The following SRP72 variants were observed in gnomAD, a reference collection of about 807,000 sequenced individuals.
SRP72 encodes signal recognition particle 72.
A neutral mutation model predicts 96.3 loss-of-function variants in SRP72; 49 were observed. The observed-to-expected ratio is 0.51, with a 90% CI of 0.40 to 0.65. SRP72 has a LOEUF of 0.65. Among genes scored for constraint, SRP72 ranks in the 30% least tolerant of loss-of-function variants. The pLI, the probability that SRP72 is intolerant of heterozygous loss-of-function variation, is 0.00. For missense variants in SRP72, 736 were observed against 793.3 expected, an observed-to-expected ratio of 0.93 and a Z score of 0.87; for synonymous variants, 267 against 275.2, an observed-to-expected ratio of 0.97 and a Z score of 0.30.
At chr4:56,500,826 ACACTT>A (rs987981497) in intron 18 of SRP72, 131 bp downstream of exon 18, 75 of 863,040 alleles carry the variant, frequency 8.7e-5, no homozygotes, top group Non-Finnish European at 1.1e-4. Flanking sequence ...TGTTTATACT[ACACTT>A]ATGCAAATGA....
chr4:56,474,150 C>CT lies in SRP72; in HGVS notation c.454dup (p.Ser152PhefsTer26). ...TTATGATGAGGAGAGGAAAACAAACCTTTCAGCAGTTGTTGCAGCTCAAAG... is the reference window on the plus strand; with the variant it reads ...TTATGATGAGGAGAGGAAAACAAACCTTTTCAGCAGTTGTTGCAGCTCAAAG... On this transcript the variant is annotated frameshift_variant, in exon 4 of 19. Transcript: ENST00000642900. LOFTEE classifies it high-confidence loss of function. The CT allele has an allele frequency of 1.2e-6, 2 of 1,614,184 alleles. No homozygotes were observed. The highest frequency in any genetic ancestry group is 1.7e-6 in the Non-Finnish European group (2 of 1,180,032).
intron 18 of SRP72, 117 bp downstream of exon 18, chr4:56,500,812 T>C: frequency 9.8e-7 from 1 of 1,019,322 alleles, no homozygotes; most frequent in Non-Finnish European, 1.4e-6. Flanking sequence ...GTATCTTTGA[T>C]AAATGTTTAT....
At chr4:56,474,503 C>A in intron 5 of SRP72, 112 bp downstream of exon 5, 1 of 902,556 alleles carries the variant, frequency 1.1e-6, no homozygotes, top group African/African-American at 1.7e-5. Flanking sequence ...GTTATTGATG[C>A]AGTGACAATT....
intron 2 of SRP72, among the ~76,000 whole-genome samples, chr4:56,470,535 C>G (rs1719932340): frequency 8.1e-6 from 1 of 122,960 alleles, no homozygotes; most frequent in Non-Finnish European, 1.7e-5. Flanking sequence ...GAGACTCCGT[C>G]TCAAAAAAAA....
At chr4:56,471,616 A>G (rs1289457219) in intron 2 of SRP72, 104 bp from the exon 3 acceptor site, 4 of 1,336,750 alleles carry the variant, frequency 3.0e-6, no homozygotes, top group Non-Finnish European at 4.0e-6. Context: ...CAGTTTTCTC[A>G]TCTGTTATCA....
chr4:56,469,784 C>T lies in SRP72; in HGVS notation c.230+11C>T, dbSNP rs1719893013. The T allele has an allele frequency of 1.2e-6, 2 of 1,600,844 alleles. No homozygotes were observed. Among genetic ancestry groups the T allele is most frequent in the Admixed American group, 1.7e-5 (1 of 59,746 alleles). Reference sequence around the variant, plus strand: ...CAAAGTGTTAGCCAAGTAAGTGATTCAGTTAGTTGCTTGTACAGTTATTAG... The same window carrying T: ...CAAAGTGTTAGCCAAGTAAGTGATTTAGTTAGTTGCTTGTACAGTTATTAG... On this transcript the variant is annotated intron_variant, in intron 2 of 18. Transcript: ENST00000642900.
At chr4:56,487,315 C>A (rs1202350093) in intron 11 of SRP72, among the ~76,000 whole-genome samples, 1 of 152,074 alleles carries the variant, frequency 6.6e-6, no homozygotes, top group Non-Finnish European at 1.5e-5. Flanking sequence ...TGCTGATCTC[C>A]CTCTTATCCA....
intron 5 of SRP72, among the ~76,000 whole-genome samples, chr4:56,475,386 C>T (rs1438836404): frequency 2.1e-5 from 3 of 140,772 alleles, no homozygotes; most frequent in Non-Finnish European, 4.6e-5. Flanking sequence ...AGTAAGCCTT[C>T]GTTTTTACAA....
At chr4:56,495,988 C>T (rs558280970) in intron 17 of SRP72, among the ~76,000 whole-genome samples, 4 of 152,168 alleles carry the variant, frequency 2.6e-5, no homozygotes, top group African/African-American at 9.7e-5. Flanking sequence ...CAAAGAAGCC[C>T]TCTCCAGACT....
At position 56,491,622 on chromosome 4, in the gene SRP72, A is replaced by G. The variant is rs1021804606; in HGVS notation, c.1640+54A>G. ...ATGCTGATTTTAAATTAGACAAGGAATAAAAAATACATTCTCATAGAAATT... is the reference window on the plus strand; with the variant it reads ...ATGCTGATTTTAAATTAGACAAGGAGTAAAAAATACATTCTCATAGAAATT... On this transcript the variant is annotated intron_variant, in intron 16 of 18. Coordinates refer to ENST00000642900, the MANE Select transcript of SRP72 (RefSeq NM_006947.4). 60 of 1,522,890 alleles carry G rather than the reference A, an allele frequency of 3.9e-5. 1 individual carries two copies. The highest frequency in any genetic ancestry group is 5.1e-5 in the Non-Finnish European group (57 of 1,109,568). The allele number at this position is 1,522,890 out of a possible 1,614,324, so 94.3% of individuals were successfully genotyped here.
At chr4:56,470,651 A>G (rs1187164678) in intron 2 of SRP72, among the ~76,000 whole-genome samples, 1 of 152,170 alleles carries the variant, frequency 6.6e-6, no homozygotes, top group Non-Finnish European at 1.5e-5. Flanking sequence ...GAGGCGTATA[A>G]ATGTGTTAGA....
chr4:56,468,995 CCTGAGTT>C (rs1560672612), intron 1 of SRP72, among the ~76,000 whole-genome samples: 1 of 152,116 alleles, frequency 6.6e-6, no homozygotes, highest in Non-Finnish European at 1.5e-5. Flanking sequence ...AAACTTGCCA[CCTGAGTT>C]CTTCCTTATA....
intron 9 of SRP72, among the ~76,000 whole-genome samples, chr4:56,483,927 T>C (rs1720599866): frequency 6.6e-6 from 1 of 151,910 alleles, no homozygotes; most frequent in Admixed American, 6.6e-5. Flanking sequence ...CATCAAGTTA[T>C]AAATGTTAAG....
intron 14 of SRP72, 37 bp from the exon 15 acceptor site, chr4:56,490,531 A>G (rs1414074700): frequency 1.2e-6 from 2 of 1,605,952 alleles, no homozygotes; most frequent in South Asian, 1.1e-5. Flanking sequence ...CTCCAGTTTT[A>G]TAAACAGTTC....
chr4:56,470,884 C>A (rs1324845630), intron 2 of SRP72, among the ~76,000 whole-genome samples: 1 of 150,412 alleles, frequency 6.6e-6, no homozygotes, highest in Non-Finnish European at 1.5e-5. Context: ...CTGGTGGAAC[C>A]TCCACCTTCC....
chr4:56,479,422 G>A (rs993615692), intron 8 of SRP72, among the ~76,000 whole-genome samples: 29 of 151,556 alleles, frequency 1.9e-4, no homozygotes, highest in African/African-American at 6.1e-4. Flanking sequence ...CTCGTGATCC[G>A]CCCACCTCAG....
intron 8 of SRP72, 40 bp downstream of exon 8, chr4:56,478,689 T>C: frequency 1.3e-6 from 2 of 1,577,780 alleles, no homozygotes; most frequent in African/African-American, 1.4e-5. Flanking sequence ...TATTTTACCC[T>C]GAAAGCTCAT....
chr4:56,489,783 G>A (rs1327402959), intron 13 of SRP72, among the ~76,000 whole-genome samples: 1 of 152,126 alleles, frequency 6.6e-6, no homozygotes, highest in African/African-American at 2.4e-5. Context: ...GCATATTTAA[G>A]AGATCGTCTT....
At chr4:56,480,924 A>G (rs1439249342) in intron 8 of SRP72, among the ~76,000 whole-genome samples, 2 of 152,212 alleles carry the variant, frequency 1.3e-5, no homozygotes, top group Non-Finnish European at 2.9e-5. Flanking sequence ...AAAAAAAAGT[A>G]CATATGAAGA....
Sources: gnomAD v4.1 joint callset for allele counts (sites outside exome capture counted in the v4.1 genomes callset) on GRCh38, gnomAD v4.1.1 for gene constraint, MANE v1.5 for transcripts, NCBI Gene and HGNC (gene_info 2026-07-23, HGNC 2026-07-21) for gene names.